The following ADAM23 variants were observed in gnomAD, a reference collection of about 807,000 sequenced individuals.
ADAM23 encodes the protein disintegrin and metalloproteinase domain-containing protein 23.
A neutral mutation model predicts 120.1 loss-of-function variants in ADAM23; 33 were observed. The observed-to-expected ratio is 0.27, with a 90% CI of 0.21 to 0.37. The LOEUF is 0.37. Ranked by LOEUF, ADAM23 falls within the 10% of genes least tolerant of loss-of-function variation. ADAM23 has a pLI of 1.00. For missense variants in ADAM23, 862 were observed against 1,058.2 expected (o/e 0.81, Z 2.57); for synonymous variants, 367 against 375.2 (o/e 0.98, Z 0.25).
At chr2:206,591,002 T>G (rs973345793) in intron 21 of ADAM23, among the ~76,000 whole-genome samples, 1 of 152,026 alleles carries the variant, frequency 6.6e-6, no homozygotes, top group Non-Finnish European at 1.5e-5. Context: ...CCCCAATAAG[T>G]TAAGGGAAAT....
chr2:206,481,391 C>G, intron 3 of ADAM23, 83 bp downstream of exon 3: 1 of 1,007,838 alleles, frequency 9.9e-7, no homozygotes, highest in Non-Finnish European at 1.4e-6. Flanking sequence ...AAAATAATGT[C>G]TGTTGTTTAA....
chr2:206,565,485 A>G (rs1307124835), intron 14 of ADAM23, among the ~76,000 whole-genome samples: 3 of 152,250 alleles, frequency 2.0e-5, no homozygotes, highest in Non-Finnish European at 4.4e-5. Flanking sequence ...TTTACTGTTT[A>G]TAAATCAATA....
intron 4 of ADAM23, among the ~76,000 whole-genome samples, chr2:206,533,730 C>T (rs1390159090): frequency 6.6e-6 from 1 of 152,200 alleles, no homozygotes; most frequent in Non-Finnish European, 1.5e-5. Flanking sequence ...ATTCTTACTT[C>T]TCACTAAGAA....
At chr2:206,529,541 G>A (rs749788357) in intron 3 of ADAM23, among the ~76,000 whole-genome samples, 18 of 152,174 alleles carry the variant, frequency 1.2e-4, no homozygotes, top group Middle Eastern at 3.4e-3. Flanking sequence ...TGGGACCACA[G>A]GTGCATGCCA....
intron 3 of ADAM23, among the ~76,000 whole-genome samples, chr2:206,515,452 G>A (rs997893400): frequency 6.6e-6 from 1 of 152,086 alleles, no homozygotes; most frequent in Admixed American, 6.6e-5. Flanking sequence ...GCTCCATGTT[G>A]CACCACACAC....
At chr2:206,567,121 G>GTGGACGCCGTATC in intron 14 of ADAM23, 102 bp from the exon 15 acceptor site, 1 of 902,052 alleles carries the variant, frequency 1.1e-6, no homozygotes, top group Non-Finnish European at 1.7e-6. Context: ...GATTCATTTG[G>GTGGACGCCGTATC]ATTCAAAGTG....
intron 23 of ADAM23, 77 bp from the exon 24 acceptor site, chr2:206,595,974 C>T (rs746298029): frequency 9.3e-5 from 107 of 1,145,696 alleles, no homozygotes; most frequent in East Asian, 1.8e-4. Flanking sequence ...TCCCTGCCCC[C>T]GTGTCTCTTT....
chr2:206,444,049 GC>G lies in ADAM23; in HGVS notation c.187del (p.Arg63AlafsTer106). ...TGCCTCCGCTCGCCGCCTCGTCCCG[GC>G]CCCGCGCCTGGGGGGCTGCTGCGCC... ...LLPPLAASSR[P>X]RAWGAAAPSA... On this transcript the variant is annotated frameshift_variant, in exon 1 of 26. Coordinates refer to ENST00000264377, the MANE Select transcript of ADAM23 (RefSeq NM_003812.4). LOFTEE classifies it high-confidence loss of function. 1 of 1,400,208 alleles carries G rather than the reference GC, an allele frequency of 7.1e-7. No homozygotes were observed. The highest frequency in any genetic ancestry group is 1.6e-5 in the South Asian group (1 of 64,398). 86.7% of individuals were successfully genotyped at this position (1,400,208 alleles called of 1,614,324 possible).
rs1280372341 is a variant in ADAM23 at position 206,445,408 on chromosome 2, G to T, written c.316G>T (p.Ala106Ser). 5.0e-6 allele frequency: 8 copies of T among 1,613,946 alleles called. No homozygotes were observed. Among genetic ancestry groups the T allele is most frequent in the Non-Finnish European group, 6.8e-6 (8 of 1,179,990 alleles). The change falls in exon 2 of 26, where the codon GCA (alanine) becomes TCA (serine). Residue 106 changes from alanine (A) to serine (S), a missense_variant. By Grantham distance (99) the Ala-to-Ser change is moderately conservative. Coordinates refer to ENST00000264377, the MANE Select transcript of ADAM23 (RefSeq NM_003812.4). ...NSSSNISYSN[A>S]MQKEITLPSR... is the part of the protein sequence containing the mutation. The stretch of plus-strand genomic sequence containing the variant: ...CAGCAGTAATATCAGTTACAGCAAT[G>T]CAATGCAGAAAGAAATCACACTGCC...
At chr2:206,474,690 C>G (rs1350359005) in intron 2 of ADAM23, among the ~76,000 whole-genome samples, 1 of 151,940 alleles carries the variant, frequency 6.6e-6, no homozygotes. Flanking sequence ...TTCTCCTGCC[C>G]CAGCCTCCTG....
Position 206,617,706 on chromosome 2 carries a change from ATTAAG to A in ADAM23, c.*82_*86del. 1 of 1,584,244 alleles carries A rather than the reference ATTAAG, an allele frequency of 6.3e-7. No individual in the cohort carries two copies. The highest frequency in any genetic ancestry group is 8.6e-7 in the Non-Finnish European group (1 of 1,165,138). ...TACTCGCAGCAGTGTTACTGGAACTATTAAGTTTGTAAACAAAACCTTTGGGTGGT... is the reference window on the plus strand; with the variant it reads ...TACTCGCAGCAGTGTTACTGGAACTATTTGTAAACAAAACCTTTGGGTGGT... On this transcript the variant is annotated 3_prime_UTR_variant, in exon 26 of 26. Transcript: ENST00000264377.
At chr2:206,602,179 A>G (rs1344826812) in intron 24 of ADAM23, among the ~76,000 whole-genome samples, 1 of 152,154 alleles carries the variant, frequency 6.6e-6, no homozygotes, top group Non-Finnish European at 1.5e-5. Context: ...CTCAAATAAC[A>G]ATGGCCTTAT....
At chr2:206,592,994 T>C (rs139308898) in intron 22 of ADAM23, among the ~76,000 whole-genome samples, 2 of 152,282 alleles carry the variant, frequency 1.3e-5, no homozygotes, top group East Asian at 3.9e-4. Context: ...ATTTTAGGAG[T>C]AGAATTATGG....
intron 3 of ADAM23, among the ~76,000 whole-genome samples, chr2:206,511,870 AAT>A (rs905978203): frequency 1.1e-4 from 17 of 152,208 alleles, no homozygotes; most frequent in Non-Finnish European, 2.2e-4. Flanking sequence ...AGGAAAAATT[AAT>A]GATAGTCTAA....
At chr2:206,557,853 T>C (rs1019646631) in intron 10 of ADAM23, among the ~76,000 whole-genome samples, 3 of 152,202 alleles carry the variant, frequency 2.0e-5, no homozygotes, top group African/African-American at 4.8e-5. Context: ...TTCTTAAATA[T>C]ATGGTGGTAA....
chr2:206,462,485 C>T (rs1360162194), intron 2 of ADAM23, among the ~76,000 whole-genome samples: 2 of 152,216 alleles, frequency 1.3e-5, no homozygotes, highest in African/African-American at 4.8e-5. Context: ...TTCCCCTTTT[C>T]GCCCTACCAC....
At chr2:206,464,040 A>G (rs1349573459) in intron 2 of ADAM23, among the ~76,000 whole-genome samples, 2 of 152,186 alleles carry the variant, frequency 1.3e-5, no homozygotes, top group African/African-American at 2.4e-5. Context: ...GATAGTTGCA[A>G]TATTTCTTCT....
chr2:206,593,787 A>T (rs1302374408), intron 22 of ADAM23, among the ~76,000 whole-genome samples: 1 of 152,054 alleles, frequency 6.6e-6, no homozygotes, highest in Non-Finnish European at 1.5e-5. Context: ...TCTATTAGTG[A>T]CTATAGCATT....
At chr2:206,589,320 T>G in intron 20 of ADAM23, 89 bp from the exon 21 acceptor site, 1 of 986,576 alleles carries the variant, frequency 1.0e-6, no homozygotes, top group Non-Finnish European at 1.5e-6. Context: ...CTCTGGAGAA[T>G]CGGGTGTTAA....
Sources: allele counts gnomAD v4.1 joint callset (sites outside exome capture counted in the v4.1 genomes callset), GRCh38; gene constraint gnomAD v4.1.1; transcripts MANE v1.5; gene names NCBI Gene and HGNC (gene_info 2026-07-23, HGNC 2026-07-21).